Variants in FAT4 observed in about 807,000 individuals in gnomAD.
FAT4 encodes FAT atypical cadherin 4, also known as protocadherin Fat 4.
FAT4 carries 84 observed loss-of-function variants against 303.9 expected under a neutral mutation model. That is an observed-to-expected ratio of 0.28 (90% CI 0.23 to 0.33). The LOEUF (loss-of-function observed/expected upper bound fraction) is 0.33. Among genes scored for constraint, FAT4 ranks in the 10% least tolerant of loss-of-function variants. FAT4 has a pLI of 1.00. For missense variants in FAT4, 6,005 were observed against 6,146.8 expected (o/e 0.98, Z 0.77); for synonymous variants, 2,307 against 2,298.8 (o/e 1.00, Z -0.10).
chr4:125,365,046 G>A (rs954164803), intron 2 of FAT4, among the ~76,000 whole-genome samples: 11 of 152,144 alleles, frequency 7.2e-5, no homozygotes, highest in Non-Finnish European at 8.8e-5. Context: ...TGAAGATGTG[G>A]TCCTGGTATT....
intron 2 of FAT4, among the ~76,000 whole-genome samples, chr4:125,341,076 A>G (rs888662106): frequency 6.6e-6 from 1 of 152,172 alleles, no homozygotes; most frequent in African/African-American, 2.4e-5. Flanking sequence ...TACATTTATT[A>G]TACATTTAGA....
At chr4:125,437,017 G>A (rs1361833820) in intron 8 of FAT4, among the ~76,000 whole-genome samples, 1 of 151,950 alleles carries the variant, frequency 6.6e-6, no homozygotes, top group African/African-American at 2.4e-5. Flanking sequence ...ACCACACTCG[G>A]CTAATTTTTG....
At chr4:125,430,170 A>G (rs964158838) in intron 7 of FAT4, among the ~76,000 whole-genome samples, 1 of 151,824 alleles carries the variant, frequency 6.6e-6, no homozygotes, top group African/African-American at 2.4e-5. Flanking sequence ...AAAAAAAAAA[A>G]AAAGCAAACA....
rs371090730 is a variant in FAT4 at position 125,317,340 on chromosome 4, C to A, written c.929C>A (p.Pro310His). 24 of 1,612,418 alleles carry A rather than the reference C, an allele frequency of 1.5e-5. No individual in the cohort carries two copies. In the African/African-American group the frequency reaches 2.9e-4, roughly 20 times the overall value. Residue 310 changes from proline (P) to histidine (H), a missense_variant, in exon 2 of 18, where the codon CCC becomes CAC. Transcript: ENST00000394329. This position sits in a 1 kb window ranked among gnomAD's most constrained non-coding sequence, Gnocchi z 7.0. ...PETGLITVRE[P>H]LDFEARRQYS... ...ACGGGACTTATCACGGTGCGGGAGC[C>A]CCTGGACTTCGAAGCTCGGCGCCAA...
intron 2 of FAT4, among the ~76,000 whole-genome samples, chr4:125,353,116 T>C (rs1732293641): frequency 6.6e-6 from 1 of 151,776 alleles, no homozygotes; most frequent in African/African-American, 2.4e-5. Flanking sequence ...TTAATACTAA[T>C]AAAGATTTTA....
At chr4:125,376,726 C>A (rs1157205591) in intron 2 of FAT4, among the ~76,000 whole-genome samples, 1 of 151,920 alleles carries the variant, frequency 6.6e-6, no homozygotes, top group Admixed American at 6.6e-5. Context: ...ATAGAGAAAC[C>A]CGGTCTCTAC....
intron 3 of FAT4, among the ~76,000 whole-genome samples, chr4:125,402,506 G>A (rs1734427205): frequency 6.6e-6 from 1 of 152,008 alleles, no homozygotes; most frequent in Admixed American, 6.6e-5. Flanking sequence ...CAAGGTAAAT[G>A]TGGGTAATGT....
chr4:125,398,563 T>C (rs1263320869), intron 2 of FAT4, among the ~76,000 whole-genome samples: 1 of 152,154 alleles, frequency 6.6e-6, no homozygotes, highest in Non-Finnish European at 1.5e-5. Context: ...TTAAAATCAG[T>C]TACTTATCAA....
Position 125,479,804 on chromosome 4 carries a change from T to C in FAT4, c.12543T>C (p.Asp4181=). 6.2e-7 allele frequency: 1 copy of C among 1,606,220 alleles called. No individual in the cohort carries two copies. Among genetic ancestry groups the C allele is most frequent in the Non-Finnish European group, 8.5e-7 (1 of 1,174,226 alleles). The stretch of plus-strand genomic sequence containing the variant: ...GCCAACATGGTGGCACATGTATGGA[T>C]TACTGGTCATGGCAGCAGTGTCATT... ...SPCQHGGTCM[D]YWSWQQCHCK... The change falls in exon 15 of 18, where the codon GAT becomes GAC. Residue 4181 remains aspartate, a synonymous_variant. Coordinates refer to ENST00000394329, the MANE Select transcript of FAT4 (RefSeq NM_001291303.3).
chr4:125,320,037 A>T lies in FAT4; in HGVS notation c.3626A>T (p.Lys1209Ile), dbSNP rs1205024419. 6.2e-7 allele frequency: 1 copy of T among 1,613,524 alleles called. No homozygotes were observed. The change falls in exon 2 of 18, where the codon AAA becomes ATA. Residue 1209 changes from lysine to isoleucine, a missense_variant. By Grantham distance (102) the Lys-to-Ile change is moderately radical. Coordinates refer to ENST00000394329, the MANE Select transcript of FAT4 (RefSeq NM_001291303.3). Reference protein sequence around the residue: ...YMKDINDNAPKFLKDFYQATI... With the variant: ...YMKDINDNAPIFLKDFYQATI... ...AAGGATATAAATGATAATGCTCCCA[A>T]ATTTTTAAAAGACTTTTACCAAGCT...
intron 3 of FAT4, among the ~76,000 whole-genome samples, chr4:125,402,664 C>T (rs1020194273): frequency 2.8e-4 from 42 of 152,008 alleles, no homozygotes; most frequent in African/African-American, 1.0e-3. Flanking sequence ...AAATCATCTC[C>T]TTATATGTTT....
Position 125,489,885 on chromosome 4 carries a change from C to A in FAT4, c.13085-16C>A. Reference sequence around the variant, plus strand: ...TTTTTTTTTGTAAAAAGCCTTACTCCTTCTTCTTCTCCCAGCAGGTTTTGA... The same window carrying A: ...TTTTTTTTTGTAAAAAGCCTTACTCATTCTTCTTCTCCCAGCAGGTTTTGA... On this transcript the variant is annotated splice_polypyrimidine_tract_variant and intron_variant, in intron 17 of 17. Transcript: ENST00000394329. The A allele has an allele frequency of 2.7e-6, 2 of 742,912 alleles. No individual in the cohort carries two copies. The highest frequency in any genetic ancestry group is 3.7e-6 in the Non-Finnish European group (2 of 534,222). 46.0% of individuals were successfully genotyped at this position (742,912 alleles called of 1,614,324 possible).
At chr4:125,384,849 G>GA (rs1460585476) in intron 2 of FAT4, among the ~76,000 whole-genome samples, 1 of 151,692 alleles carries the variant, frequency 6.6e-6, no homozygotes, top group Non-Finnish European at 1.5e-5. Context: ...AGATATCAAT[G>GA]AATGTTTGTT....
intron 2 of FAT4, among the ~76,000 whole-genome samples, chr4:125,338,761 G>A (rs1328098330): frequency 6.6e-6 from 1 of 151,984 alleles, no homozygotes; most frequent in Admixed American, 6.6e-5. Flanking sequence ...ATTTCATAAG[G>A]CTTTGTCTGC....
At chr4:125,463,441 G>A (rs1470419609) in intron 10 of FAT4, 122 bp from the exon 11 acceptor site, 3 of 487,972 alleles carry the variant, frequency 6.1e-6, no homozygotes, top group South Asian at 5.8e-5. Flanking sequence ...CAAGTAAAAC[G>A]TTTTTATATT....
At chr4:125,360,056 T>C (rs2125984216) in intron 2 of FAT4, among the ~76,000 whole-genome samples, 1 of 152,286 alleles carries the variant, frequency 6.6e-6, no homozygotes, top group Middle Eastern at 3.4e-3. Context: ...CTCTCCCTCC[T>C]GCCATTGCCT....
intron 8 of FAT4, among the ~76,000 whole-genome samples, chr4:125,439,533 G>T (rs866403840): frequency 5.9e-5 from 9 of 151,514 alleles, no homozygotes; most frequent in Non-Finnish European, 1.2e-4. Flanking sequence ...TAGAGATGGG[G>T]TTTCACCGTG....
At chr4:125,435,884 A>T (rs1339252117) in intron 8 of FAT4, among the ~76,000 whole-genome samples, 2 of 152,176 alleles carry the variant, frequency 1.3e-5, no homozygotes, top group Non-Finnish European at 2.9e-5. Context: ...ACGGAGAGAA[A>T]CCAGTGCACC....
In FAT4 at chr4:125,408,706, C is replaced by T; in HGVS notation, c.5832C>T (p.Phe1944=). 6.2e-7 allele frequency: 1 copy of T among 1,612,014 alleles called. No homozygotes were observed. ...ILDVNDNPPI[F]SLNSYSTSLM... ...ATGTAAATGATAATCCACCTATTTT[C>T]AGCTTGAATTCATACAGCACATCTT... The change falls in exon 5 of 18, where the codon TTC becomes TTT. Residue 1944 remains phenylalanine, a synonymous_variant. Transcript: ENST00000394329.
Sources: gnomAD v4.1 joint callset for allele counts (sites outside exome capture counted in the v4.1 genomes callset) on GRCh38, gnomAD v4.1.1 for gene constraint, Gnocchi (gnomAD v3.1) non-coding constraint, MANE v1.5 for transcripts, NCBI Gene and HGNC (gene_info 2026-07-23, HGNC 2026-07-21) for gene names.